COL4A5: variants seen among roughly 807,000 people sequenced by gnomAD.
COL4A5 encodes collagen alpha-5(IV) chain.
COL4A5 carries 26 observed loss-of-function variants against 130.2 expected under a neutral mutation model. The observed-to-expected ratio is 0.20, with a 90% CI of 0.15 to 0.28. COL4A5 has a LOEUF of 0.28. Ranked by LOEUF, COL4A5 falls within the 10% of genes least tolerant of loss-of-function variation. The pLI is 1.00. For synonymous variants in COL4A5, 496 were observed against 439.6 expected, an observed-to-expected ratio of 1.13 and a Z score of -1.60; for missense variants, 1,131 against 1,344.3, an observed-to-expected ratio of 0.84 and a Z score of 2.48.
rs1033058007 is a variant in COL4A5 at position 108,591,312 on chromosome X, C to A, written c.1339+81C>A. On this transcript the variant is annotated intron_variant, in intron 20 of 52. Coordinates refer to ENST00000328300, the MANE Select transcript of COL4A5 (RefSeq NM_033380.3). ...ATAAGTAACTCTAGCTAAAGGTTGG[C>A]CTCATTTGTTGCGTTTCTGATATCT... The A allele has an allele frequency of 2.4e-5, 24 of 996,643 alleles. No individual in the cohort carries two copies. The African/African-American group carries it at 4.3e-4, about 18-fold the overall frequency. 82.1% of individuals were successfully genotyped at this position (996,643 alleles called of 1,213,427 possible).
rs895430224 is a variant in COL4A5 at position 108,633,895 on chromosome X, T to C, written c.3246+7546T>C. On this transcript the variant is annotated intron_variant, in intron 36 of 52. Coordinates refer to ENST00000328300, the MANE Select transcript of COL4A5 (RefSeq NM_033380.3). ...TCTATTAGGTACAGGTGATCTTTGC[T>C]TTTGCACAAATTTCAGTTATCATTA... Among the ~76,000 whole-genome samples, 3 of 111,906 alleles carry C rather than the reference T, an allele frequency of 2.7e-5. No homozygotes were observed. In the Admixed American group the frequency reaches 2.9e-4, roughly 11 times the overall value.
At chrX:108,484,323 C>G (rs1001439411) in intron 1 of COL4A5, among the ~76,000 whole-genome samples, 16 of 111,629 alleles carry the variant, frequency 1.4e-4, no homozygotes, top group Admixed American at 4.8e-4. Flanking sequence ...GTCTCTGGTG[C>G]TTTATTTAGT....
At chrX:108,500,417 C>T (rs780973873) in intron 1 of COL4A5, among the ~76,000 whole-genome samples, 121 of 111,905 alleles carry the variant, frequency 1.1e-3, no homozygotes, top group African/African-American at 3.8e-3. Flanking sequence ...AATGCATTTT[C>T]CCTTTCATTT....
intron 6 of COL4A5, among the ~76,000 whole-genome samples, chrX:108,569,645 G>A (rs1410109419): frequency 2.7e-5 from 3 of 110,109 alleles, no homozygotes; most frequent in Non-Finnish European, 3.8e-5. Context: ...AATACCTTAG[G>A]TCCTTCTTTC....
intron 1 of COL4A5, among the ~76,000 whole-genome samples, chrX:108,529,634 A>G (rs1479356236): frequency 1.8e-5 from 2 of 111,550 alleles, no homozygotes; most frequent in African/African-American, 6.5e-5. Context: ...AAAAAACATG[A>G]TGCAACTATA....
chrX:108,678,661 T>C (rs1252999446), intron 44 of COL4A5, among the ~76,000 whole-genome samples: 1 of 111,433 alleles, frequency 9.0e-6, no homozygotes, highest in African/African-American at 3.3e-5. Flanking sequence ...AGGCCAGGAA[T>C]TTGAGACGAG....
intron 3 of COL4A5, among the ~76,000 whole-genome samples, chrX:108,563,137 A>G (rs1213501504): frequency 8.9e-6 from 1 of 111,734 alleles, no homozygotes; most frequent in Non-Finnish European, 1.9e-5. Context: ...CCAGTCCCCT[A>G]TTGATGATTA....
At chrX:108,584,460 C>T (rs2066300430) in intron 17 of COL4A5, 24 bp from the exon 18 acceptor site, 1 of 1,188,643 alleles carries the variant, frequency 8.4e-7, no homozygotes. Flanking sequence ...TTTTACTAAC[C>T]TATTTTACAA....
intron 1 of COL4A5, among the ~76,000 whole-genome samples, chrX:108,490,302 C>T (rs186472846): frequency 2.7e-5 from 3 of 111,642 alleles, no homozygotes; most frequent in Non-Finnish European, 3.8e-5. Flanking sequence ...ATGTTTGTAC[C>T]TTTGTCATTT....
At chrX:108,544,169 G>A (rs1372016870) in intron 2 of COL4A5, among the ~76,000 whole-genome samples, 2 of 111,860 alleles carry the variant, frequency 1.8e-5, no homozygotes, top group Non-Finnish European at 3.8e-5. Context: ...GTGAGAGAGG[G>A]CATCTCTGTC....
At chrX:108,616,121 A>T (rs5929138) in intron 30 of COL4A5, among the ~76,000 whole-genome samples, 13 of 112,092 alleles carry the variant, frequency 1.2e-4, no homozygotes, top group Non-Finnish European at 2.1e-4. Context: ...GTTACAAAAT[A>T]GCTGCTTTAT....
In COL4A5 at chrX:108,686,106, A is replaced by T. The variant is rs771323164; in HGVS notation, c.4292A>T (p.Asp1431Val). 2.5e-6 allele frequency: 3 copies of T among 1,208,195 alleles called. No individual in the cohort carries two copies. The East Asian group carries it at 8.9e-5, about 36-fold the overall frequency. ...GATGGTGCAGGAGGGCGCAAAGGAGACCCAGGTCTGCCAGGACAGCCAGGT... is the reference window on the plus strand; with the variant it reads ...GATGGTGCAGGAGGGCGCAAAGGAGTCCCAGGTCTGCCAGGACAGCCAGGT... Reference protein sequence around the residue: ...GFDGAGGRKGDPGLPGQPGTR... With the variant: ...GFDGAGGRKGVPGLPGQPGTR... Residue 1431 changes from aspartate (D) to valine (V), a missense_variant, in exon 48 of 53, where the codon GAC becomes GTC. Physicochemically the swap from Asp to Val is radical, Grantham distance 152. Transcript: ENST00000328300.
At chrX:108,527,917 C>T (rs2065342744) in intron 1 of COL4A5, among the ~76,000 whole-genome samples, 1 of 111,666 alleles carries the variant, frequency 9.0e-6, no homozygotes, top group South Asian at 3.8e-4. Context: ...AACGTCAGTG[C>T]ACACTGCTCA....
Position 108,571,826 on chromosome X carries a change from C to G in COL4A5, c.454C>G (p.Pro152Ala). ...TTAATAATAGGGACCCCCTGGGATC[C>G]CAGGTATGAAGGTAAGCATCTCATT... ...LQGPPGPPGI[P>A]GMKGEPGSII... is the part of the protein sequence containing the mutation. The change falls in exon 8 of 53, where the codon CCA becomes GCA. Residue 152 changes from proline to alanine, a missense_variant. By Grantham distance (27) the Pro-to-Ala change is conservative. Coordinates refer to ENST00000328300, the MANE Select transcript of COL4A5 (RefSeq NM_033380.3). 1 of 1,190,132 alleles carries G rather than the reference C, an allele frequency of 8.4e-7. No homozygotes were observed. Among genetic ancestry groups the G allele is most frequent in the Non-Finnish European group, 1.1e-6 (1 of 876,273 alleles).
Position 108,525,589 on chromosome X carries a change from T to C in COL4A5, c.82-14157T>C, listed in dbSNP as rs181436300. On this transcript the variant is annotated intron_variant, in intron 1 of 52. Coordinates refer to ENST00000328300, the MANE Select transcript of COL4A5 (RefSeq NM_033380.3). ...TTATGTTCCTCCTTTACTGCCTTCT[T>C]TTTTTTTATTAAGTGAATATTTTCT... Among the ~76,000 whole-genome samples the C allele has an allele frequency of 2.7e-5, 3 of 111,160 alleles. No individual in the cohort carries two copies. The Admixed American group carries it at 2.9e-4, about 11-fold the overall frequency.
intron 36 of COL4A5, among the ~76,000 whole-genome samples, chrX:108,651,868 A>G (rs1177934349): frequency 1.8e-5 from 2 of 111,938 alleles, no homozygotes; most frequent in African/African-American, 3.2e-5. Flanking sequence ...TTAACATTTC[A>G]CTACTGGGAA....
At chrX:108,534,073 A>G (rs1651861329) in intron 1 of COL4A5, among the ~76,000 whole-genome samples, 1 of 109,856 alleles carries the variant, frequency 9.1e-6, no homozygotes, top group Non-Finnish European at 1.9e-5. Flanking sequence ...AAATAAGGGA[A>G]CTCTTATATG....
intron 1 of COL4A5, among the ~76,000 whole-genome samples, chrX:108,490,963 C>T (rs1242132696): frequency 8.9e-6 from 1 of 111,995 alleles, no homozygotes; most frequent in Non-Finnish European, 1.9e-5. Flanking sequence ...CATCTGTGTT[C>T]TCACAAAAGA....
chrX:108,611,806 C>A (rs980747366), intron 29 of COL4A5, among the ~76,000 whole-genome samples: 5 of 110,246 alleles, frequency 4.5e-5, no homozygotes, highest in Non-Finnish European at 7.6e-5. Flanking sequence ...TTACATGAGG[C>A]CAGCATTATT....
Sources: allele counts gnomAD v4.1 joint callset (sites outside exome capture counted in the v4.1 genomes callset), GRCh38; gene constraint gnomAD v4.1.1; transcripts MANE v1.5; gene names NCBI Gene and HGNC (gene_info 2026-07-23, HGNC 2026-07-21).